The following SORL1 variants were observed in gnomAD, a reference collection of about 807,000 sequenced individuals.
The protein encoded by SORL1 is sortilin related receptor 1, also known as sortilin-related receptor.
In SORL1, 127 loss-of-function variants were observed where a neutral mutation model predicts 273.7. The ratio of observed to expected loss-of-function variants is 0.46; its 90% CI spans 0.40 to 0.54. SORL1 has a LOEUF of 0.54. SORL1 is among the 20% of genes least tolerant of loss of function. SORL1 has a pLI of 0.00. For missense variants in SORL1, 2,494 were observed against 2,846.1 expected (o/e 0.88, Z 2.81); for synonymous variants, 1,031 against 1,067.4 (o/e 0.97, Z 0.66).
chr11:121,474,748 G>C (rs1011497458), intron 2 of SORL1, among the ~76,000 whole-genome samples: 1 of 152,226 alleles, frequency 6.6e-6, no homozygotes, highest in African/African-American at 2.4e-5. Flanking sequence ...GATGGTATTG[G>C]ACTGTGAGTC....
intron 47 of SORL1, chr11:121,628,753 C>G (rs1456271872): frequency 6.6e-6 from 1 of 152,196 alleles, no homozygotes; most frequent in African/African-American, 2.4e-5. Flanking sequence ...TGTGAATGTA[C>G]AAGTTTATTT....
Position 121,550,223 on chromosome 11 carries a change from C to A in SORL1, c.2180+135C>A. The stretch of plus-strand genomic sequence containing the variant: ...GTTAACAGCCTGCAAGTAGTTTGGG[C>A]AACATTATAAATTATGGTATTTGTA... On this transcript the variant is annotated intron_variant, in intron 15 of 47. Coordinates refer to ENST00000260197, the MANE Select transcript of SORL1 (RefSeq NM_003105.6). This position sits in a 1 kb window ranked among gnomAD's most constrained non-coding sequence, Gnocchi z 5.3. 2 of 885,496 alleles carry A rather than the reference C, an allele frequency of 2.3e-6. No individual in the cohort carries two copies. Among genetic ancestry groups the A allele is most frequent in the Non-Finnish European group, 3.3e-6 (2 of 598,782 alleles). The allele number at this position is 885,496 out of a possible 1,614,324, so 54.9% of individuals were successfully genotyped here. A position where few individuals can be genotyped will look rare whatever the true frequency, so the allele number is the denominator to read the frequency against.
chr11:121,558,791 T>C lies in SORL1; in HGVS notation c.2864T>C (p.Val955Ala). The C allele has an allele frequency of 6.2e-7, 1 of 1,614,170 alleles. No individual in the cohort carries two copies. Among genetic ancestry groups the C allele is most frequent in the Middle Eastern group, 1.6e-4 (1 of 6,062 alleles). Reference sequence around the variant, plus strand: ...ACGTTCAGTGGCCAGCAGCGCTCTGTCATTCTGGACAACCTCCCGCACCCC... The same window carrying C: ...ACGTTCAGTGGCCAGCAGCGCTCTGCCATTCTGGACAACCTCCCGCACCCC... Reference protein sequence around the residue: ...RITFSGQQRSVILDNLPHPYA... With the variant: ...RITFSGQQRSAILDNLPHPYA... Residue 955 changes from valine (V) to alanine (A), a missense_variant, in exon 20 of 48, where the codon GTC becomes GCC. Around this residue, in one of 3 missense-constraint regions of SORL1, gnomAD observed 1,609 missense variants for 1,816.4 expected, o/e 0.89. Transcript: ENST00000260197.
At chr11:121,495,571 CT>C (rs1861617382) in intron 5 of SORL1, among the ~76,000 whole-genome samples, 1 of 152,150 alleles carries the variant, frequency 6.6e-6, no homozygotes, top group South Asian at 2.1e-4. Flanking sequence ...TCTGCTTTTC[CT>C]TGAGTCATCA....
rs1261674298 is a variant in SORL1 at position 121,633,339 on chromosome 11, T to C, written c.*3776T>C. ...TGAGTTTCATGTGTAATAGCTCAAA[T>C]GGAATAAGCATGAATGCTGGAGTGG... On this transcript the variant is annotated 3_prime_UTR_variant, in exon 48 of 48. Coordinates refer to ENST00000260197, the MANE Select transcript of SORL1 (RefSeq NM_003105.6). 2.0e-5 allele frequency: 3 copies of C among 152,162 alleles called. No homozygotes were observed. The East Asian group carries it at 5.8e-4, about 29-fold the overall frequency. 9.4% of individuals were successfully genotyped at this position (152,162 alleles called of 1,614,324 possible). A position where few individuals can be genotyped will look rare whatever the true frequency, so the allele number is the denominator to read the frequency against.
chr11:121,452,832 A>G lies in SORL1; in HGVS notation c.285+216A>G, dbSNP rs1211617923. On this transcript the variant is annotated intron_variant, in intron 1 of 47. Transcript: ENST00000260197. This position sits in a 1 kb window ranked among gnomAD's most constrained non-coding sequence, Gnocchi z 5.3. ...CGATTTAGTAAACGTATTCCAGGTA[A>G]CTCGCCGGGTGCAGTGCGTATTACC... is the stretch of plus-strand genomic sequence containing the variant. 6.3e-6 allele frequency: 3 copies of G among 478,464 alleles called. No individual in the cohort carries two copies. The highest frequency in any genetic ancestry group is 1.1e-5 in the Non-Finnish European group (3 of 277,074). The allele number at this position is 478,464 out of a possible 1,614,324, so 29.6% of individuals were successfully genotyped here.
intron 8 of SORL1, among the ~76,000 whole-genome samples, chr11:121,516,129 C>T (rs752711070): frequency 2.0e-5 from 3 of 152,150 alleles, no homozygotes; most frequent in African/African-American, 7.2e-5. Context: ...TTATCTTTTA[C>T]AGGAGTTATC....
chr11:121,622,240 T>C lies in SORL1; in HGVS notation c.6143T>C (p.Leu2048Ser), dbSNP rs1863733824. The C allele has an allele frequency of 6.2e-7, 1 of 1,610,616 alleles. No homozygotes were observed. Among genetic ancestry groups the C allele is most frequent in the Non-Finnish European group, 8.5e-7 (1 of 1,177,518 alleles). The change falls in exon 45 of 48, where the codon TTA (leucine) becomes TCA (serine). Residue 2048 changes from leucine to serine, a missense_variant. By Grantham distance (145) the Leu-to-Ser change is moderately radical. Coordinates refer to ENST00000260197, the MANE Select transcript of SORL1 (RefSeq NM_003105.6). ...HVLLFWKSLA[L>S]KEKHFNESRG... ...CTTCTGTTTTGGAAAAGCCTGGCTT[T>C]AAAGGAAAAGCATTTTAATGAAAGC...
At chr11:121,471,562 C>T (rs912263136) in intron 2 of SORL1, among the ~76,000 whole-genome samples, 2 of 152,188 alleles carry the variant, frequency 1.3e-5, no homozygotes, top group Admixed American at 1.3e-4. Context: ...TTCGGTCACC[C>T]TGCATTCTGG....
chr11:121,598,847 C>T (rs1165623921), intron 32 of SORL1, among the ~76,000 whole-genome samples: 1 of 152,184 alleles, frequency 6.6e-6, no homozygotes, highest in Admixed American at 6.5e-5. Flanking sequence ...ATCGTTGATG[C>T]GTCCTTTCCT....
intron 47 of SORL1, chr11:121,628,705 G>A (rs538446212): frequency 6.6e-6 from 1 of 152,238 alleles, no homozygotes; most frequent in Admixed American, 6.5e-5. Flanking sequence ...TAATAAAGTG[G>A]GTGTGTTACG....
chr11:121,592,459 A>T (rs567739658), intron 31 of SORL1, among the ~76,000 whole-genome samples: 8 of 152,332 alleles, frequency 5.3e-5, no homozygotes, highest in Admixed American at 4.6e-4. Flanking sequence ...CAAGTAGGGT[A>T]TTATTCTCCT....
At chr11:121,470,828 C>T (rs1861156696) in intron 2 of SORL1, among the ~76,000 whole-genome samples, 1 of 152,164 alleles carries the variant, frequency 6.6e-6, no homozygotes, top group African/African-American at 2.4e-5. Context: ...CAGGTGCACA[C>T]CAGCATGGCT....
chr11:121,531,057 G>A (rs1394692624), intron 11 of SORL1, among the ~76,000 whole-genome samples: 6 of 151,896 alleles, frequency 4.0e-5, no homozygotes, highest in East Asian at 3.9e-4. Context: ...TTCATTTCAC[G>A]TGTATTTTTC....
At chr11:121,488,386 G>T (rs1861506820) in intron 4 of SORL1, among the ~76,000 whole-genome samples, 193 bp downstream of exon 4, 1 of 152,134 alleles carries the variant, frequency 6.6e-6, no homozygotes, top group Admixed American at 6.5e-5. Context: ...TCAGTTGGCA[G>T]CCCAGCCAGC....
At chr11:121,479,710 A>G (rs568323874) in intron 3 of SORL1, among the ~76,000 whole-genome samples, 196 of 152,344 alleles carry the variant, frequency 1.3e-3, no homozygotes, top group African/African-American at 4.5e-3. Flanking sequence ...TAAGGGTTTC[A>G]GGGCAGCGGC....
intron 8 of SORL1, among the ~76,000 whole-genome samples, chr11:121,514,699 ATATGCGGCCAGTGGATCAGGTTAAT>A (rs1861925880): frequency 6.6e-6 from 1 of 152,222 alleles, no homozygotes; most frequent in Non-Finnish European, 1.5e-5. Flanking sequence ...GAGAGCTGGC[ATATGCGGCCAGTGGATCAGGTTAAT>A]TGATGTCATT....
intron 8 of SORL1, among the ~76,000 whole-genome samples, chr11:121,519,595 C>T (rs767356525): frequency 1.3e-5 from 2 of 152,218 alleles, no homozygotes; most frequent in South Asian, 2.1e-4. Context: ...AGGAAAGAAT[C>T]GACAGGTTCT....
At chr11:121,465,551 G>A (rs1163756047) in intron 1 of SORL1, among the ~76,000 whole-genome samples, 3 of 150,880 alleles carry the variant, frequency 2.0e-5, no homozygotes, top group Admixed American at 6.6e-5. Flanking sequence ...TTTTTGAGAC[G>A]GAGTCTCGCT....
Sources: gnomAD v4.1 joint callset for allele counts (sites outside exome capture counted in the v4.1 genomes callset) on GRCh38, gnomAD v4.1.1 for gene constraint, gnomAD v4.1.1 regional missense constraint, Gnocchi (gnomAD v3.1) non-coding constraint, MANE v1.5 for transcripts, NCBI Gene and HGNC (gene_info 2026-07-23, HGNC 2026-07-21) for gene names.